DTWD2: variants seen among roughly 807,000 people sequenced by gnomAD.
The protein encoded by DTWD2 is tRNA-uridine aminocarboxypropyltransferase 2.
A neutral mutation model predicts 31.8 loss-of-function variants in DTWD2; 39 were observed. The ratio of observed to expected loss-of-function variants is 1.22; its 90% CI spans 0.95 to 1.60. DTWD2 has a LOEUF of 1.60. Among genes scored for constraint, DTWD2 ranks in the 40% most tolerant of loss-of-function variants. The probability of loss-of-function intolerance (pLI) is 0.00; values close to 1 mark genes in which losing one functional copy is unlikely to be tolerated. For synonymous variants in DTWD2, 180 were observed against 142.8 expected (o/e 1.26, Z -1.86); for missense variants, 515 against 381.5 (o/e 1.35, Z -2.92).
chr5:118,922,262 G>T (rs1475240397), intron 4 of DTWD2, among the ~76,000 whole-genome samples: 1 of 152,214 alleles, frequency 6.6e-6, no homozygotes, highest in Non-Finnish European at 1.5e-5. Flanking sequence ...ATGTAAGTAT[G>T]AAGTTCACAT....
intron 1 of DTWD2, among the ~76,000 whole-genome samples, chr5:118,973,450 G>C: frequency 6.6e-6 from 1 of 152,150 alleles, no homozygotes; most frequent in East Asian, 1.9e-4. Context: ...GGCAGGCCTG[G>C]TGGTGACAAA....
At chr5:118,965,505 T>TA (rs1561474359) in intron 1 of DTWD2, among the ~76,000 whole-genome samples, 1 of 152,164 alleles carries the variant, frequency 6.6e-6, no homozygotes, top group Non-Finnish European at 1.5e-5. Context: ...GGGGAAAAGA[T>TA]AGAGAAATCA....
chr5:118,954,713 AT>A lies in DTWD2; in HGVS notation c.219-10065del, dbSNP rs201041386. ...TTTGAATAATTAATGTTATTTTTGGATTTTTTTTTGTAGAGGTGAAGTTTCT... is the reference window on the plus strand; with the variant it reads ...TTTGAATAATTAATGTTATTTTTGGATTTTTTTTGTAGAGGTGAAGTTTCT... On this transcript the variant is annotated intron_variant, in intron 1 of 5. Coordinates refer to ENST00000510708, the MANE Select transcript of DTWD2 (RefSeq NM_173666.4). 3.7e-3 allele frequency among the ~76,000 whole-genome samples: 556 copies of A among 151,292 alleles called. 5 individuals are homozygous for A. Among genetic ancestry groups the A allele is most frequent in the African/African-American group, 0.013 (518 of 41,276 alleles).
At chr5:118,917,236 T>G (rs1007216548) in intron 4 of DTWD2, among the ~76,000 whole-genome samples, 7 of 152,190 alleles carry the variant, frequency 4.6e-5, no homozygotes, top group African/African-American at 1.7e-4. Context: ...TCTTTTTACT[T>G]GCATGTCTTA....
At chr5:118,945,699 AG>A (rs952384875) in intron 1 of DTWD2, among the ~76,000 whole-genome samples, 8 of 151,140 alleles carry the variant, frequency 5.3e-5, no homozygotes, top group Non-Finnish European at 1.5e-5. Flanking sequence ...CAGGAGATGG[AG>A]GTTGCAGTGA....
intron 1 of DTWD2, among the ~76,000 whole-genome samples, chr5:118,969,998 T>C (rs969022439): frequency 6.6e-6 from 1 of 152,144 alleles, no homozygotes. Flanking sequence ...AATGACCTGA[T>C]GGAGCTGAAA....
chr5:118,909,151 G>A (rs138016680), intron 4 of DTWD2, among the ~76,000 whole-genome samples: 7 of 152,304 alleles, frequency 4.6e-5, no homozygotes, highest in African/African-American at 9.6e-5. Context: ...GGGGAGACCC[G>A]CATAGCTGAG....
intron 4 of DTWD2, among the ~76,000 whole-genome samples, chr5:118,872,193 C>A (rs1327535522): frequency 6.6e-6 from 1 of 152,202 alleles, no homozygotes; most frequent in African/African-American, 2.4e-5. Flanking sequence ...CTGGTTTGAT[C>A]TTCTATCCAG....
intron 4 of DTWD2, among the ~76,000 whole-genome samples, chr5:118,874,208 G>T (rs899294478): frequency 6.6e-6 from 1 of 152,140 alleles, no homozygotes; most frequent in Non-Finnish European, 1.5e-5. Context: ...ATCCAAGGGT[G>T]AGCAATCTCA....
At chr5:118,988,189 C>G in intron 1 of DTWD2, 105 bp downstream of exon 1, 1 of 1,405,170 alleles carries the variant, frequency 7.1e-7, no homozygotes, top group Non-Finnish European at 9.7e-7. Flanking sequence ...CTCCGCCGCC[C>G]TAATCGCAGA....
chr5:118,921,314 C>G (rs1753697147), intron 4 of DTWD2, among the ~76,000 whole-genome samples: 1 of 151,898 alleles, frequency 6.6e-6, no homozygotes, highest in South Asian at 2.1e-4. Context: ...GAGTTCAAAA[C>G]CAGCCTAGAC....
intron 1 of DTWD2, among the ~76,000 whole-genome samples, chr5:118,976,971 T>C (rs1165495368): frequency 1.3e-5 from 2 of 152,062 alleles, no homozygotes; most frequent in Non-Finnish European, 2.9e-5. Context: ...CAGTAGCACA[T>C]CAAAAAGGTT....
At chr5:118,924,126 G>C (rs368974445) in intron 4 of DTWD2, among the ~76,000 whole-genome samples, 11 of 152,182 alleles carry the variant, frequency 7.2e-5, no homozygotes, top group African/African-American at 2.7e-4. Flanking sequence ...CAGACCAACA[G>C]ACAGGGGCAG....
chr5:118,842,372 G>A (rs989150759), intron 5 of DTWD2, among the ~76,000 whole-genome samples: 13 of 152,140 alleles, frequency 8.5e-5, no homozygotes, highest in Admixed American at 5.9e-4. Flanking sequence ...AAACTTAGCA[G>A]GCATAGGTTT....
intron 3 of DTWD2, among the ~76,000 whole-genome samples, chr5:118,935,793 C>G (rs1249435982): frequency 6.6e-6 from 1 of 152,188 alleles, no homozygotes; most frequent in Non-Finnish European, 1.5e-5. Flanking sequence ...CTAATCATAG[C>G]TGGAGATTTT....
Position 118,840,613 on chromosome 5 carries a change from T to C in DTWD2, c.*304A>G, listed in dbSNP as rs1457948059. ...TCCACTACAACAATTTTCTTCTATT[T>C]TACAAGTAAGAACTTCTAACCTATC... On this transcript the variant is annotated 3_prime_UTR_variant, in exon 6 of 6. Coordinates refer to ENST00000510708, the MANE Select transcript of DTWD2 (RefSeq NM_173666.4). The C allele has an allele frequency of 5.2e-6, 1 of 193,012 alleles. No homozygotes were observed. The highest frequency in any genetic ancestry group is 1.0e-5 in the Non-Finnish European group (1 of 95,660). The allele number at this position is 193,012 out of a possible 1,614,324, so 12.0% of individuals were successfully genotyped here. A position where few individuals can be genotyped will look rare whatever the true frequency, so the allele number is the denominator to read the frequency against.
intron 4 of DTWD2, among the ~76,000 whole-genome samples, chr5:118,911,052 C>T (rs776862775): frequency 2.6e-5 from 4 of 152,146 alleles, no homozygotes; most frequent in Non-Finnish European, 5.9e-5. Flanking sequence ...CATAAAAATT[C>T]GAGCACAGCA....
At position 118,852,204 on chromosome 5, in the gene DTWD2, G is replaced by A. The variant is rs371649534; in HGVS notation, c.598-3986C>T. Among the ~76,000 whole-genome samples, 13 of 152,098 alleles carry A rather than the reference G, an allele frequency of 8.5e-5. 1 individual carries two copies. The East Asian group carries it at 2.3e-3, about 27-fold the overall frequency. ...TCAGACCTTATGGTTGTCTTCTGTT[G>A]TTCCCTAAAATCACTGTTATTCTGT... On this transcript the variant is annotated intron_variant, in intron 4 of 5. Coordinates refer to ENST00000510708, the MANE Select transcript of DTWD2 (RefSeq NM_173666.4).
chr5:118,978,613 AAACAT>A (rs1484414726), intron 1 of DTWD2, among the ~76,000 whole-genome samples: 2 of 152,242 alleles, frequency 1.3e-5, no homozygotes, highest in Non-Finnish European at 2.9e-5. Context: ...TGTGGCCAAC[AAACAT>A]AAGAAAAAAA....
Sources: allele counts gnomAD v4.1 joint callset (sites outside exome capture counted in the v4.1 genomes callset), GRCh38; gene constraint gnomAD v4.1.1; transcripts MANE v1.5; gene names NCBI Gene and HGNC (gene_info 2026-07-23, HGNC 2026-07-21).